SMIM14: variants seen among roughly 807,000 people sequenced by gnomAD.
SMIM14 encodes the protein small integral membrane protein 14.
In SMIM14, 5 loss-of-function variants were observed where a neutral mutation model predicts 12.6. The observed-to-expected ratio is 0.40, with a 90% CI of 0.21 to 0.83. The LOEUF (loss-of-function observed/expected upper bound fraction) is 0.83. Ranked by LOEUF, SMIM14 falls within the 40% of genes least tolerant of loss-of-function variation. The probability of loss-of-function intolerance (pLI) is 0.37; values close to 1 mark genes in which losing one functional copy is unlikely to be tolerated. For synonymous variants in SMIM14, 30 were observed against 40.1 expected (o/e 0.75, Z 0.95); for missense variants, 86 against 119.1 (o/e 0.72, Z 1.29).
At chr4:39,561,835 T>G (rs1712322647) in intron 3 of SMIM14, among the ~76,000 whole-genome samples, 1 of 151,936 alleles carries the variant, frequency 6.6e-6, no homozygotes, top group South Asian at 2.1e-4. Flanking sequence ...CTTGGGGGGT[T>G]GTAGCGGAAA....
At chr4:39,567,143 GAAAAAAAAAAAAA>G (rs1168446466) in intron 3 of SMIM14, among the ~76,000 whole-genome samples, 1 of 72,112 alleles carries the variant, frequency 1.4e-5, no homozygotes, top group Non-Finnish European at 2.8e-5. Flanking sequence ...CTCAAAAAAA[GAAAAAAAAAAAAA>G]AAAAAAAAAA....
At chr4:39,578,775 C>A (rs1022715219) in intron 2 of SMIM14, among the ~76,000 whole-genome samples, 1 of 151,996 alleles carries the variant, frequency 6.6e-6, no homozygotes, top group Admixed American at 6.6e-5. Flanking sequence ...GCAGGTGGAT[C>A]GCCTGAGGTC....
In SMIM14 at chr4:39,558,433, A is replaced by G. The variant is rs538590234; in HGVS notation, c.125-1863T>C. Among the ~76,000 whole-genome samples the G allele has an allele frequency of 2.6e-5, 4 of 152,340 alleles. No homozygotes were observed. The highest frequency in any genetic ancestry group is 5.9e-5 in the Non-Finnish European group (4 of 68,026). ...CAGCTGCACAGATAAGCCTGGACAG[A>G]TAAGCAGCCAGTAAAGCAAACAAGC... On this transcript the variant is annotated intron_variant, in intron 3 of 4. Coordinates refer to ENST00000295958, the MANE Select transcript of SMIM14 (RefSeq NM_174921.3). This position sits in a 1 kb window ranked among gnomAD's most constrained non-coding sequence, Gnocchi z 4.3.
At position 39,559,212 on chromosome 4, in the gene SMIM14, T is replaced by C. The variant is rs538304535; in HGVS notation, c.125-2642A>G. 9.2e-5 allele frequency among the ~76,000 whole-genome samples: 14 copies of C among 152,040 alleles called. No homozygotes were observed. The South Asian group carries it at 2.9e-3, about 32-fold the overall frequency. ...GAGAAACCAATATATGAAGGTGCAT[T>C]GGTGAGACTGCAACATCTCTACGAA... On this transcript the variant is annotated intron_variant, in intron 3 of 4. Coordinates refer to ENST00000295958, the MANE Select transcript of SMIM14 (RefSeq NM_174921.3).
intron 2 of SMIM14, among the ~76,000 whole-genome samples, chr4:39,604,691 A>G (rs115986069): frequency 0.012 from 1,775 of 151,726 alleles, 14 homozygotes; most frequent in Non-Finnish European, 0.018. Flanking sequence ...GCTCACAACA[A>G]TCTCTGCCTC....
intron 2 of SMIM14, among the ~76,000 whole-genome samples, 169 bp downstream of exon 2, chr4:39,604,902 T>C (rs893260721): frequency 1.3e-5 from 2 of 152,140 alleles, no homozygotes; most frequent in Non-Finnish European, 2.9e-5. Context: ...TGAGCCACTG[T>C]GCCCGGTCAC....
chr4:39,576,321 G>A (rs1230164120), intron 2 of SMIM14, among the ~76,000 whole-genome samples: 1 of 151,824 alleles, frequency 6.6e-6, no homozygotes, highest in Non-Finnish European at 1.5e-5. Flanking sequence ...GGGCAGTTGA[G>A]TAGCCACTTT....
intron 1 of SMIM14, among the ~76,000 whole-genome samples, chr4:39,622,231 C>T (rs1715526484): frequency 6.7e-6 from 1 of 148,536 alleles, no homozygotes; most frequent in Admixed American, 6.7e-5. Flanking sequence ...CTACAGGCAC[C>T]CGCCATCGTG....
intron 3 of SMIM14, 87 bp from the exon 4 acceptor site, chr4:39,556,657 T>C: frequency 8.8e-7 from 1 of 1,137,652 alleles, no homozygotes; most frequent in African/African-American, 1.6e-5. Context: ...TTTCAATTAC[T>C]GTATTAATAT....
chr4:39,615,499 T>C (rs1307938195), intron 1 of SMIM14, among the ~76,000 whole-genome samples: 2 of 152,074 alleles, frequency 1.3e-5, no homozygotes, highest in African/African-American at 2.4e-5. Context: ...ATACCAAGAG[T>C]GAACCCTAAT....
rs1339477098 is a variant in SMIM14 at position 39,576,660 on chromosome 4, G to GTGTGTA, written c.76-4198_76-4197insTACACA. On this transcript the variant is annotated intron_variant, in intron 2 of 4. Transcript: ENST00000295958. ...CTTATACCTATGTGTGTGTGTATGTGTATATATATATATATATATATATAT... is the reference window on the plus strand; with the variant it reads ...CTTATACCTATGTGTGTGTGTATGTGTGTGTATATATATATATATATATATATATAT... 4.1e-5 allele frequency among the ~76,000 whole-genome samples: 3 copies of GTGTGTA among 72,378 alleles called. 1 individual carries two copies. The highest frequency in any genetic ancestry group is 9.2e-4 in the East Asian group (2 of 2,174). 47.5% of individuals were successfully genotyped at this position (72,378 alleles called of 152,430 possible).
intron 3 of SMIM14, among the ~76,000 whole-genome samples, chr4:39,565,032 T>A (rs763808584): frequency 1.6e-4 from 24 of 152,010 alleles, no homozygotes; most frequent in South Asian, 6.2e-4. Context: ...GGCAACATAA[T>A]GAGGTCCTAT....
At chr4:39,615,350 A>T (rs1715181457) in intron 1 of SMIM14, among the ~76,000 whole-genome samples, 1 of 152,222 alleles carries the variant, frequency 6.6e-6, no homozygotes, top group South Asian at 2.1e-4. Context: ...ATATTTACTT[A>T]AAAAATGTCA....
intron 3 of SMIM14, among the ~76,000 whole-genome samples, chr4:39,563,446 G>A (rs1712421236): frequency 6.6e-6 from 1 of 152,180 alleles, no homozygotes. Flanking sequence ...AGATTCTAAG[G>A]CACTGCCTAA....
At position 39,552,226 on chromosome 4, in the gene SMIM14, ACT is replaced by A. The variant is rs1711755020; in HGVS notation, c.268-70_268-69del. 5 of 1,367,114 alleles carry A rather than the reference ACT, an allele frequency of 3.7e-6. No homozygotes were observed. In the East Asian group the frequency reaches 1.3e-4, roughly 35 times the overall value. The allele number at this position is 1,367,114 out of a possible 1,614,324, so 84.7% of individuals were successfully genotyped here. A position where few individuals can be genotyped will look rare whatever the true frequency, so the allele number is the denominator to read the frequency against. ...AATTCAAAAAAATTTAAAATTTATT[ACT>A]TTTTTAAAAATTGACTTATTAAATC... is the stretch of plus-strand genomic sequence containing the variant. On this transcript the variant is annotated intron_variant, in intron 4 of 4. Coordinates refer to ENST00000295958, the MANE Select transcript of SMIM14 (RefSeq NM_174921.3).
chr4:39,624,748 T>C (rs188222924), intron 1 of SMIM14, among the ~76,000 whole-genome samples: 2 of 142,136 alleles, frequency 1.4e-5, no homozygotes, highest in African/African-American at 5.3e-5. Flanking sequence ...TGCTTGAACC[T>C]AGGAGGCGGA....
chr4:39,612,989 A>G (rs1715091442), intron 1 of SMIM14, among the ~76,000 whole-genome samples: 1 of 152,214 alleles, frequency 6.6e-6, no homozygotes, highest in Non-Finnish European at 1.5e-5. Flanking sequence ...GCACAAGCAC[A>G]TTGGCTTTTA....
rs1050167288 is a variant in SMIM14 at position 39,558,029 on chromosome 4, G to A, written c.125-1459C>T. 8.6e-5 allele frequency among the ~76,000 whole-genome samples: 13 copies of A among 152,028 alleles called. No homozygotes were observed. Among genetic ancestry groups the A allele is most frequent in the South Asian group, 4.2e-4 (2 of 4,816 alleles). On this transcript the variant is annotated intron_variant, in intron 3 of 4. Coordinates refer to ENST00000295958, the MANE Select transcript of SMIM14 (RefSeq NM_174921.3). The surrounding 1 kb of genome is among the most constrained non-coding windows in gnomAD (Gnocchi z 4.3). ...AAATGCTAGACAGGGATGTATGTGC[G>A]TATACAGGCATCAGTTTTTCCTGGT... is the stretch of plus-strand genomic sequence containing the variant.
chr4:39,572,752 G>A (rs1027497834), intron 2 of SMIM14, among the ~76,000 whole-genome samples: 4 of 152,044 alleles, frequency 2.6e-5, no homozygotes, highest in Non-Finnish European at 4.4e-5. Flanking sequence ...AGTCTGGGAG[G>A]CAAAGGTTGC....
Sources: allele counts gnomAD v4.1 joint callset (sites outside exome capture counted in the v4.1 genomes callset), GRCh38; gene constraint gnomAD v4.1.1; non-coding constraint Gnocchi (gnomAD v3.1); transcripts MANE v1.5; gene names NCBI Gene and HGNC (gene_info 2026-07-23, HGNC 2026-07-21).